SLC5A2: variants seen among roughly 807,000 people sequenced by gnomAD.
SLC5A2 encodes the protein sodium/glucose cotransporter 2.
A neutral mutation model predicts 69.0 loss-of-function variants in SLC5A2; 67 were observed. The ratio of observed to expected loss-of-function variants is 0.97; its 90% CI spans 0.80 to 1.19. SLC5A2 has a LOEUF of 1.19. Among genes scored for constraint, SLC5A2 ranks in the 50% most tolerant of loss-of-function variants. The probability of loss-of-function intolerance (pLI) is 0.00; values close to 1 mark genes in which losing one functional copy is unlikely to be tolerated. For missense variants in SLC5A2, 1,001 were observed against 921.5 expected (o/e 1.09, Z -1.12); for synonymous variants, 455 against 395.8 (o/e 1.15, Z -1.78).
rs755019112 is a variant in SLC5A2 at position 31,488,003 on chromosome 16, GC to G, written c.886-32del. On this transcript the variant is annotated intron_variant, in intron 7 of 13. Transcript: ENST00000330498. ...GGGCGCGGGGCGGGGCCGAGGGGAG[GC>G]CCGCAAGCGGGCAGCTGAACGCCCC... The G allele has an allele frequency of 9.3e-5, 150 of 1,608,590 alleles. No homozygotes were observed. The African/African-American group carries it at 1.7e-3, about 18-fold the overall frequency.
rs1272328898 is a variant in SLC5A2, at chr16:31,488,750, C to A, written c.1258C>A (p.Arg420Ser). 6.2e-7 allele frequency: 1 copy of A among 1,604,884 alleles called. No homozygotes were observed. Among genetic ancestry groups the A allele is most frequent in the Non-Finnish European group, 8.5e-7 (1 of 1,177,380 alleles). ...GCGCCTGCGGCCACGCGCCGGCGAC[C>A]GCGAGCTGCTGCTGGTGGGACGGTG... Reference protein sequence around the residue: ...YTRLRPRAGDRELLLVGRLWV... With the variant: ...YTRLRPRAGDSELLLVGRLWV... Residue 420 changes from arginine (R) to serine (S), a missense_variant, in exon 10 of 14, where the codon CGC becomes AGC. Transcript: ENST00000330498.
At chr16:31,485,555 G>A in intron 3 of SLC5A2, 174 bp from the exon 4 acceptor site, 3 of 694,230 alleles carry the variant, frequency 4.3e-6, no homozygotes, top group Non-Finnish European at 7.3e-6. Context: ...CCAGGAGGGT[G>A]TCAGCTCTGT....
chr16:31,486,408 A>G (rs2082496208), intron 5 of SLC5A2, 133 bp downstream of exon 5: 3 of 708,270 alleles, frequency 4.2e-6, no homozygotes, highest in Non-Finnish European at 7.7e-6. Context: ...CAGGAGAAGG[A>G]ACTAAATCTT....
Position 31,489,062 on chromosome 16 carries a change from G to A in SLC5A2, c.1449+14G>A, listed in dbSNP as rs777309894. 9.4e-6 allele frequency: 15 copies of A among 1,601,886 alleles called. No individual in the cohort carries two copies. The South Asian group carries it at 1.1e-4, about 12-fold the overall frequency. On this transcript the variant is annotated intron_variant, in intron 11 of 13. Coordinates refer to ENST00000330498, the MANE Select transcript of SLC5A2 (RefSeq NM_003041.4). The stretch of plus-strand genomic sequence containing the variant: ...GTTAATGAGCAGGTGAGCGGCACGC[G>A]CGTGGTGACGGCAGGGCTGGGCTTG...
Position 31,490,632 on chromosome 16 carries a change from GAGA to G in SLC5A2, c.*100_*102del. 2 of 1,184,100 alleles carry G rather than the reference GAGA, an allele frequency of 1.7e-6. No individual in the cohort carries two copies. The highest frequency in any genetic ancestry group is 2.5e-6 in the Non-Finnish European group (2 of 814,454). 73.3% of individuals were successfully genotyped at this position (1,184,100 alleles called of 1,614,324 possible). On this transcript the variant is annotated 3_prime_UTR_variant, in exon 14 of 14. Coordinates refer to ENST00000330498, the MANE Select transcript of SLC5A2 (RefSeq NM_003041.4). The stretch of plus-strand genomic sequence containing the variant: ...AGAAAAGGGGAAGGGGCAGTGGGGT[GAGA>G]AGGTCCTGGCTCCCCTTCTCCCGGC...
chr16:31,485,904 G>A lies in SLC5A2; in HGVS notation c.468+11G>A, dbSNP rs1469480741. The A allele has an allele frequency of 1.2e-6, 2 of 1,613,412 alleles. No individual in the cohort carries two copies. The highest frequency in any genetic ancestry group is 1.7e-6 in the Non-Finnish European group (2 of 1,180,020). On this transcript the variant is annotated intron_variant, in intron 4 of 13. Coordinates refer to ENST00000330498, the MANE Select transcript of SLC5A2 (RefSeq NM_003041.4). ...TTCACCAAGATCTCAGTGAGTGCCT[G>A]TGGCAGATGCGATTGGGCCCTAGAA...
Position 31,488,747 on chromosome 16 carries a change from G to T in SLC5A2, c.1255G>T (p.Asp419Tyr). 1 of 1,605,876 alleles carries T rather than the reference G, an allele frequency of 6.2e-7. No individual in the cohort carries two copies. The highest frequency in any genetic ancestry group is 1.1e-5 in the South Asian group (1 of 90,610). Residue 419 changes from aspartate to tyrosine, a missense_variant, in exon 10 of 14, where the codon GAC (aspartate) becomes TAC (tyrosine). By Grantham distance (160) the Asp-to-Tyr change is radical. Coordinates refer to ENST00000330498, the MANE Select transcript of SLC5A2 (RefSeq NM_003041.4). ...CACGCGCCTGCGGCCACGCGCCGGC[G>T]ACCGCGAGCTGCTGCTGGTGGGACG... Reference protein sequence around the residue: ...IYTRLRPRAGDRELLLVGRLW... With the variant: ...IYTRLRPRAGYRELLLVGRLW...
At position 31,488,071 on chromosome 16, in the gene SLC5A2, C is replaced by G. The variant is rs1396186644; in HGVS notation, c.919C>G (p.Leu307Val). ...IVQRCLAGKS[L>V]THIKAGCILC... ...GCAGCGCTGCCTGGCCGGGAAGAGC[C>G]TGACCCACATCAAGGCGGGCTGCAT... The change falls in exon 8 of 14, where the codon CTG becomes GTG. Residue 307 changes from leucine to valine, a missense_variant. Physicochemically the swap from Leu to Val is conservative, Grantham distance 32 (BLOSUM62 1). Transcript: ENST00000330498. The G allele has an allele frequency of 6.2e-7, 1 of 1,613,886 alleles. No homozygotes were observed. The highest frequency in any genetic ancestry group is 1.7e-5 in the Admixed American group (1 of 60,014).
chr16:31,487,972 G>C, intron 7 of SLC5A2, 66 bp from the exon 8 acceptor site: 3 of 1,599,556 alleles, frequency 1.9e-6, no homozygotes, highest in Non-Finnish European at 2.6e-6. Flanking sequence ...GGCACAGAGC[G>C]GAACGGGGCG....
chr16:31,489,370 T>G (rs1293903284), intron 12 of SLC5A2, 32 bp downstream of exon 12: 1 of 1,581,970 alleles, frequency 6.3e-7, no homozygotes, highest in East Asian at 2.2e-5. Flanking sequence ...GCAAGCACTG[T>G]GGGACACAGC....
At position 31,490,370 on chromosome 16, in the gene SLC5A2, C is replaced by T; in HGVS notation, c.1854C>T (p.Ser618=). ...RQCLLWFCGM[S]RGGVGSPPPL... ...GCCTGCTCTGGTTTTGTGGAATGAGCAGAGGTGGGGTGGGCAGTCCTCCGC... is the reference window on the plus strand; with the variant it reads ...GCCTGCTCTGGTTTTGTGGAATGAGTAGAGGTGGGGTGGGCAGTCCTCCGC... Residue 618 remains serine, a synonymous_variant, in exon 14 of 14, where the codon AGC becomes AGT. Transcript: ENST00000330498. The T allele has an allele frequency of 6.2e-7, 1 of 1,613,080 alleles. No homozygotes were observed. Among genetic ancestry groups the T allele is most frequent in the Non-Finnish European group, 8.5e-7 (1 of 1,179,636 alleles).
chr16:31,486,141 C>A (rs1487327658), intron 4 of SLC5A2, 29 bp from the exon 5 acceptor site: 2 of 1,553,404 alleles, frequency 1.3e-6, no homozygotes, highest in South Asian at 1.1e-5. Flanking sequence ...TGCCCTGGGT[C>A]CTGACCTGGC....
intron 5 of SLC5A2, among the ~76,000 whole-genome samples, 180 bp from the exon 6 acceptor site, chr16:31,487,138 ACT>A (rs1177068737): frequency 1.3e-5 from 2 of 151,976 alleles, no homozygotes; most frequent in African/African-American, 2.4e-5. Context: ...ACTCAGCCAC[ACT>A]CTGCCCGCCA....
chr16:31,484,975 G>C, intron 3 of SLC5A2, 52 bp downstream of exon 3: 1 of 1,503,730 alleles, frequency 6.7e-7, no homozygotes, highest in Non-Finnish European at 9.2e-7. Flanking sequence ...ACACCTGGAA[G>C]GGTCACACCT....
chr16:31,487,936 T>G, intron 7 of SLC5A2, 102 bp from the exon 8 acceptor site: 1 of 1,549,546 alleles, frequency 6.5e-7, no homozygotes, highest in South Asian at 1.1e-5. Context: ...GCAGCTGAAC[T>G]TGGGGCACTC....
In SLC5A2 at chr16:31,490,550, GAC is replaced by G; in HGVS notation, c.*18_*19del. 1 of 1,589,382 alleles carries G rather than the reference GAC, an allele frequency of 6.3e-7. No individual in the cohort carries two copies. Among genetic ancestry groups the G allele is most frequent in the Non-Finnish European group, 8.6e-7 (1 of 1,162,758 alleles). ...TCTATGCCTAAGACCAACTGCGTTG[GAC>G]ACCATAAGCCACAGCCTCACAGGAA... is the stretch of plus-strand genomic sequence containing the variant. On this transcript the variant is annotated 3_prime_UTR_variant, in exon 14 of 14. Coordinates refer to ENST00000330498, the MANE Select transcript of SLC5A2 (RefSeq NM_003041.4).
rs138803748 is a variant in SLC5A2 at position 31,486,269 on chromosome 16, G to A, written c.568G>A (p.Val190Met). 3.1e-4 allele frequency: 495 copies of A among 1,612,438 alleles called. 1 individual carries two copies. The highest frequency in any genetic ancestry group is 1.6e-4 in the Middle Eastern group (1 of 6,082). The change falls in exon 5 of 14, where the codon GTG becomes ATG. Residue 190 changes from valine to methionine, a missense_variant. Val to Met is a conservative substitution (Grantham distance 21). Transcript: ENST00000330498. ...ALLGITMIYT[V>M]TGGLAALMYT... ...TCTGGGCATCACCATGATTTACACG[G>A]TGACAGGTGCCAGCAGGGGCTTAGG... is the stretch of plus-strand genomic sequence containing the variant.
Position 31,487,541 on chromosome 16 carries a change from G to A in SLC5A2, c.667G>A (p.Val223Met), listed in dbSNP as rs2082506677. The change falls in exon 7 of 14, where the codon GTG becomes ATG. Residue 223 changes from valine (V) to methionine (M), a missense_variant. Physicochemically the swap from Val to Met is conservative, Grantham distance 21. Transcript: ENST00000330498. ...CILMGYAFHEVGGYSGLFDKY... is the reference protein window; with the variant it reads ...CILMGYAFHEMGGYSGLFDKY... ...GCCTTGCCCGGCAGCCTTCCACGAG[G>A]TGGGCGGGTATTCGGGTCTCTTCGA... 2 of 1,613,770 alleles carry A rather than the reference G, an allele frequency of 1.2e-6. No homozygotes were observed. Among genetic ancestry groups the A allele is most frequent in the South Asian group, 1.1e-5 (1 of 91,094 alleles).
Position 31,484,858 on chromosome 16 carries a change from C to T in SLC5A2, c.238C>T (p.His80Tyr). The change falls in exon 3 of 14, where the codon CAC (histidine) becomes TAC (tyrosine). Residue 80 changes from histidine (H) to tyrosine (Y), a missense_variant. By Grantham distance (83) the His-to-Tyr change is moderately conservative. Coordinates refer to ENST00000330498, the MANE Select transcript of SLC5A2 (RefSeq NM_003041.4). ...CTTCGCCAGCAACATCGGCAGTGGC[C>T]ACTTTGTGGGCCTGGCAGGGACTGG... ...SLFASNIGSG[H>Y]FVGLAGTGAA... 6.2e-7 allele frequency: 1 copy of T among 1,614,084 alleles called. No individual in the cohort carries two copies. The highest frequency in any genetic ancestry group is 8.5e-7 in the Non-Finnish European group (1 of 1,180,036).
Sources: allele counts gnomAD v4.1 joint callset (sites outside exome capture counted in the v4.1 genomes callset), GRCh38; gene constraint gnomAD v4.1.1; transcripts MANE v1.5; gene names NCBI Gene and HGNC (gene_info 2026-07-23, HGNC 2026-07-21).